UBN2: variants seen among roughly 807,000 people sequenced by gnomAD.
UBN2 encodes the protein ubinuclein 2.
UBN2 carries 35 observed loss-of-function variants against 120.2 expected under a neutral mutation model. The observed-to-expected ratio is 0.29, with a 90% CI of 0.22 to 0.39. The LOEUF (loss-of-function observed/expected upper bound fraction) is 0.39, where lower values mean the gene tolerates loss of function less well. Ranked by LOEUF, UBN2 falls within the 10% of genes least tolerant of loss-of-function variation. The probability of loss-of-function intolerance (pLI) is 1.00; values close to 1 mark genes in which losing one functional copy is unlikely to be tolerated. For synonymous variants in UBN2, 661 were observed against 648.7 expected, an observed-to-expected ratio of 1.02 and a Z score of -0.29; for missense variants, 1,693 against 1,663.2, an observed-to-expected ratio of 1.02 and a Z score of -0.31.
chr7:139,240,429 A>AATAT (rs201805771), intron 2 of UBN2, among the ~76,000 whole-genome samples: 110 of 133,222 alleles, frequency 8.3e-4, no homozygotes, highest in African/African-American at 2.2e-3. Context: ...ACCCAGCCTA[A>AATAT]ATATATATAT....
rs1009019617 is a variant in UBN2 at position 139,301,239 on chromosome 7, T to A, written c.*3403T>A. The A allele has an allele frequency of 6.6e-6, 1 of 152,140 alleles. No homozygotes were observed. The highest frequency in any genetic ancestry group is 1.9e-4 in the East Asian group (1 of 5,202). 9.4% of individuals were successfully genotyped at this position (152,140 alleles called of 1,614,324 possible). A position where few individuals can be genotyped will look rare whatever the true frequency, so the allele number is the denominator to read the frequency against. ...TTGACACCTGGTTGAAAACAACTTATTGGACATGATTTTTAACCCAGGATA... is the reference window on the plus strand; with the variant it reads ...TTGACACCTGGTTGAAAACAACTTAATGGACATGATTTTTAACCCAGGATA... On this transcript the variant is annotated 3_prime_UTR_variant, in exon 18 of 18. Transcript: ENST00000473989.
In UBN2 at chr7:139,293,296, C is replaced by G; in HGVS notation, c.3734C>G (p.Ser1245Cys). 1.9e-6 allele frequency: 3 copies of G among 1,614,198 alleles called. No homozygotes were observed. Among genetic ancestry groups the G allele is most frequent in the Non-Finnish European group, 2.5e-6 (3 of 1,180,028 alleles). Residue 1245 changes from serine to cysteine, a missense_variant, in exon 16 of 18, where the codon TCT becomes TGT. Transcript: ENST00000473989. ...CTGACTCTCATGACATCACCTTTGT[C>G]TGTAACAAATCAAAATGTGACTCCT... ...SPLTLMTSPLSVTNQNVTPFG... is the reference protein window; with the variant it reads ...SPLTLMTSPLCVTNQNVTPFG...
In UBN2 at chr7:139,300,075, T is replaced by C. The variant is rs948765693; in HGVS notation, c.*2239T>C. On this transcript the variant is annotated 3_prime_UTR_variant, in exon 18 of 18. Coordinates refer to ENST00000473989, the MANE Select transcript of UBN2 (RefSeq NM_173569.4). ...ACCATCAATTCTGAATCATGCCATA[T>C]GAAGATCCCTGGTGACTGTCATCAT... 6.6e-6 allele frequency: 1 copy of C among 152,232 alleles called. No homozygotes were observed. Among genetic ancestry groups the C allele is most frequent in the African/African-American group, 2.4e-5 (1 of 41,460 alleles). The allele number at this position is 152,232 out of a possible 1,614,324, so 9.4% of individuals were successfully genotyped here.
the UBN2 span, among the ~76,000 whole-genome samples, chr7:139,317,625 T>C: frequency 6.6e-5 from 10 of 152,236 alleles, no homozygotes; most frequent in East Asian, 1.9e-3. Context: ...TCAGCTGATT[T>C]AGATCATTAT....
chr7:139,318,145 T>G, the UBN2 span, among the ~76,000 whole-genome samples: 6 of 152,192 alleles, frequency 3.9e-5, no homozygotes, highest in Non-Finnish European at 8.8e-5. Flanking sequence ...TAGGACAGTT[T>G]GTCTCTTTTG....
chr7:139,318,329 C>G, the UBN2 span, among the ~76,000 whole-genome samples: 1 of 152,188 alleles, frequency 6.6e-6, no homozygotes, highest in Non-Finnish European at 1.5e-5. Context: ...CCAGAGCAAA[C>G]TTCCAGGCAC....
At chr7:139,250,526 G>A (rs775072198) in intron 2 of UBN2, among the ~76,000 whole-genome samples, 5 of 150,680 alleles carry the variant, frequency 3.3e-5, no homozygotes, top group Non-Finnish European at 5.9e-5. Flanking sequence ...GAGGCACTGC[G>A]TCCGGCCCAG....
At chr7:139,325,233 A>C in the UBN2 span, among the ~76,000 whole-genome samples, 1 of 151,192 alleles carries the variant, frequency 6.6e-6, no homozygotes, top group Admixed American at 6.6e-5. Flanking sequence ...ATATGAGTAC[A>C]TAATATAAAA....
intron 15 of UBN2, among the ~76,000 whole-genome samples, chr7:139,290,500 G>A (rs768850455): frequency 2.0e-5 from 3 of 152,166 alleles, no homozygotes; most frequent in Non-Finnish European, 4.4e-5. Flanking sequence ...TATAATGCCT[G>A]AAAACTAAGG....
chr7:139,316,778 T>C, the UBN2 span, among the ~76,000 whole-genome samples: 1 of 152,088 alleles, frequency 6.6e-6, no homozygotes, highest in Non-Finnish European at 1.5e-5. Context: ...TGTGTGTGTG[T>C]GTATATATAT....
At chr7:139,318,377 C>G in the UBN2 span, among the ~76,000 whole-genome samples, 1 of 152,186 alleles carries the variant, frequency 6.6e-6, no homozygotes, top group Admixed American at 6.5e-5. Context: ...GGGTCTGATT[C>G]TGCAGTTTAC....
chr7:139,288,061 A>G (rs2131050593), intron 15 of UBN2, among the ~76,000 whole-genome samples: 1 of 152,136 alleles, frequency 6.6e-6, no homozygotes, highest in Middle Eastern at 3.4e-3. Context: ...CAACTTACTG[A>G]TTTTCTGTGA....
chr7:139,248,523 T>C (rs1315579284), intron 2 of UBN2, among the ~76,000 whole-genome samples: 1 of 152,206 alleles, frequency 6.6e-6, no homozygotes, highest in Non-Finnish European at 1.5e-5. Flanking sequence ...ATCTCATTTA[T>C]TGATCATTTT....
intron 17 of UBN2, among the ~76,000 whole-genome samples, chr7:139,295,447 A>C (rs1798082187): frequency 6.6e-6 from 1 of 152,176 alleles, no homozygotes; most frequent in African/African-American, 2.4e-5. Context: ...ACTCATGGGC[A>C]GATTGGCATG....
the UBN2 span, among the ~76,000 whole-genome samples, chr7:139,323,183 G>T: frequency 6.6e-6 from 1 of 152,320 alleles, no homozygotes; most frequent in Admixed American, 6.5e-5. Flanking sequence ...GCCGGGTGCA[G>T]TGGTTCATAC....
chr7:139,249,609 A>G (rs1796565411), intron 2 of UBN2, among the ~76,000 whole-genome samples: 1 of 152,238 alleles, frequency 6.6e-6, no homozygotes, highest in African/African-American at 2.4e-5. Flanking sequence ...CTAGAGATTT[A>G]CATCTTGCAT....
At chr7:139,324,373 C>T in the UBN2 span, among the ~76,000 whole-genome samples, 13 of 150,770 alleles carry the variant, frequency 8.6e-5, no homozygotes, top group South Asian at 4.2e-4. Flanking sequence ...ATCGAGACCA[C>T]GGTGAAACCC....
Position 139,283,414 on chromosome 7 carries a change from A to G in UBN2, c.2509A>G (p.Thr837Ala). 2 of 1,614,064 alleles carry G rather than the reference A, an allele frequency of 1.2e-6. No homozygotes were observed. The highest frequency in any genetic ancestry group is 2.2e-5 in the South Asian group (2 of 91,070). The change falls in exon 15 of 18, where the codon ACA (threonine) becomes GCA (alanine). Residue 837 changes from threonine to alanine, a missense_variant. Physicochemically the swap from Thr to Ala is moderately conservative, Grantham distance 58 (BLOSUM62 0). Coordinates refer to ENST00000473989, the MANE Select transcript of UBN2 (RefSeq NM_173569.4). ...TTCTTCAAGTCTTATTGCTGGTCAC[A>G]CAGGGCCAGTACCAAAGAAACCCCA... ...THSSSLIAGH[T>A]GPVPKKPQDL...
chr7:139,269,421 C>T lies in UBN2; in HGVS notation c.1494C>T (p.Gly498=), dbSNP rs766459728. 6 of 1,614,034 alleles carry T rather than the reference C, an allele frequency of 3.7e-6. No individual in the cohort carries two copies. Among genetic ancestry groups the T allele is most frequent in the African/African-American group, 1.3e-5 (1 of 75,020 alleles). ...TTGAGTTACAGCTACAAGAACTAGG[C>T]CCTGTCATTCGCAGTGGTGTCTACT... ...LDIELQLQEL[G]PVIRSGVYSH... The change falls in exon 8 of 18, where the codon GGC becomes GGT. Residue 498 remains glycine, a synonymous_variant. Coordinates refer to ENST00000473989, the MANE Select transcript of UBN2 (RefSeq NM_173569.4).
Sources: gnomAD v4.1 joint callset for allele counts (sites outside exome capture counted in the v4.1 genomes callset) on GRCh38, gnomAD v4.1.1 for gene constraint, MANE v1.5 for transcripts, NCBI Gene and HGNC (gene_info 2026-07-23, HGNC 2026-07-21) for gene names.